Variants in MOK observed in about 807,000 individuals in gnomAD.
The protein encoded by MOK is MAPK/MAK/MRK overlapping kinase.
MOK carries 59 observed loss-of-function variants against 54.2 expected under a neutral mutation model. That is an observed-to-expected ratio of 1.09 (90% CI 0.88 to 1.35). The LOEUF (loss-of-function observed/expected upper bound fraction) is 1.35, where lower values mean the gene tolerates loss of function less well. Among genes scored for constraint, MOK ranks in the 40% most tolerant of loss-of-function variants. The pLI is 0.00. For synonymous variants in MOK, 210 were observed against 202.7 expected, an observed-to-expected ratio of 1.04 and a Z score of -0.31; for missense variants, 517 against 526.2, an observed-to-expected ratio of 0.98 and a Z score of 0.17.
intron 1 of MOK, among the ~76,000 whole-genome samples, chr14:102,294,782 T>C (rs1179987904): frequency 2.6e-5 from 4 of 152,120 alleles, no homozygotes; most frequent in African/African-American, 9.7e-5. Context: ...TTAAAAAAAA[T>C]AGGTCAACTG....
chr14:102,266,513 G>T (rs966940815), intron 2 of MOK, among the ~76,000 whole-genome samples: 3 of 151,956 alleles, frequency 2.0e-5, no homozygotes, highest in Middle Eastern at 3.2e-3. Context: ...GCCACCCAAA[G>T]TACTGTGATT....
At chr14:102,297,652 G>A (rs1023921385) in intron 1 of MOK, among the ~76,000 whole-genome samples, 79 of 152,312 alleles carry the variant, frequency 5.2e-4, no homozygotes, top group Admixed American at 1.5e-3. Flanking sequence ...CTTGCGGGGA[G>A]GTGTGGAGGA....
rs754931451 is a variant in MOK, at chr14:102,251,640, C to T, written c.411+116G>A. On this transcript the variant is annotated intron_variant, in intron 6 of 11. Coordinates refer to ENST00000361847, the MANE Select transcript of MOK (RefSeq NM_014226.3). ...GAGGGAAAAAAATTACTGTAACAAA[C>T]AGGCTGTCTAGCCGCATGGACTGAA... 6.1e-6 allele frequency: 5 copies of T among 817,902 alleles called. No homozygotes were observed. In the South Asian group the frequency reaches 7.2e-5, roughly 12 times the overall value. The allele number at this position is 817,902 out of a possible 1,614,324, so 50.7% of individuals were successfully genotyped here.
At chr14:102,286,428 T>C (rs550540358) in intron 1 of MOK, among the ~76,000 whole-genome samples, 23 of 151,812 alleles carry the variant, frequency 1.5e-4, no homozygotes, top group Admixed American at 1.3e-3. Flanking sequence ...AAGGCCAAGT[T>C]GGGCAACATA....
At chr14:102,293,996 A>G (rs1312659753) in intron 1 of MOK, among the ~76,000 whole-genome samples, 1 of 151,912 alleles carries the variant, frequency 6.6e-6, no homozygotes, top group African/African-American at 2.4e-5. Flanking sequence ...AAAGGAAGAC[A>G]GTCATAAAGA....
intron 1 of MOK, among the ~76,000 whole-genome samples, chr14:102,301,782 T>A (rs2072227939): frequency 6.6e-6 from 1 of 152,208 alleles, no homozygotes. Flanking sequence ...CTAAACCAAG[T>A]AACCGAAAAC....
the MOK span, among the ~76,000 whole-genome samples, chr14:102,217,803 G>A: frequency 1.3e-5 from 2 of 152,218 alleles, no homozygotes; most frequent in African/African-American, 4.8e-5. Flanking sequence ...TGGAAGTCTT[G>A]GTTCTGAGAG....
Position 102,235,273 on chromosome 14 carries a change from T to C in MOK, c.591-1484A>G, listed in dbSNP as rs1228032268. 6.6e-6 allele frequency: 1 copy of C among 152,270 alleles called. No homozygotes were observed. Among genetic ancestry groups the C allele is most frequent in the Non-Finnish European group, 1.5e-5 (1 of 68,048 alleles). 9.4% of individuals were successfully genotyped at this position (152,270 alleles called of 1,614,324 possible). ...TCCACGTCCCATTTTCCCTCTCTAATGTTTCCCAAATTGAGAAACGTCCAG... is the reference window on the plus strand; with the variant it reads ...TCCACGTCCCATTTTCCCTCTCTAACGTTTCCCAAATTGAGAAACGTCCAG... On this transcript the variant is annotated intron_variant, in intron 7 of 11. Transcript: ENST00000361847. This position sits in a 1 kb window ranked among gnomAD's most constrained non-coding sequence, Gnocchi z 4.4.
chr14:102,279,077 T>G (rs1461036466), intron 2 of MOK, among the ~76,000 whole-genome samples: 4 of 152,168 alleles, frequency 2.6e-5, no homozygotes, highest in African/African-American at 9.7e-5. Context: ...TGAACTAAAA[T>G]GGAGGAGCTG....
At chr14:102,283,451 G>C (rs777253551) in intron 2 of MOK, 27 bp downstream of exon 2, 24 of 1,462,260 alleles carry the variant, frequency 1.6e-5, no homozygotes, top group Non-Finnish European at 2.2e-5. Context: ...ATCTGTGTTT[G>C]GTCCCAAGTG....
chr14:102,222,769 G>A (rs1270566642), downstream of MOK: 17 of 1,590,954 alleles, frequency 1.1e-5, no homozygotes, highest in Admixed American at 1.7e-5. The surrounding 1 kb of genome is among the most constrained non-coding windows in gnomAD (Gnocchi z 4.4). Flanking sequence ...CGGAGGGCGC[G>A]CATGGTGGCT....
chr14:102,271,611 T>C (rs1323628705), intron 2 of MOK, among the ~76,000 whole-genome samples: 1 of 152,026 alleles, frequency 6.6e-6, no homozygotes, highest in Admixed American at 6.6e-5. Context: ...CAGGCTGGAG[T>C]GCACGAGCGC....
chr14:102,233,763 T>C lies in MOK; in HGVS notation c.617A>G (p.Asn206Ser), dbSNP rs764383623. 5.0e-5 allele frequency: 80 copies of C among 1,614,044 alleles called. No individual in the cohort carries two copies. Among genetic ancestry groups the C allele is most frequent in the Non-Finnish European group, 6.8e-5 (80 of 1,179,924 alleles). The change falls in exon 8 of 12, where the codon AAT becomes AGT. Residue 206 changes from asparagine (N) to serine (S), a missense_variant. Physicochemically the swap from Asn to Ser is conservative, Grantham distance 46 (BLOSUM62 1). Coordinates refer to ENST00000361847, the MANE Select transcript of MOK (RefSeq NM_014226.3). ...GATTTTTGAGATTTGGTCCAGTTCA[T>C]TTACTCCAGGAAAGAGGGGCTGCAG... ...ASLQPLFPGV[N>S]ELDQISKIHD...
chr14:102,281,323 C>CAAA (rs552091844), intron 2 of MOK, among the ~76,000 whole-genome samples: 1 of 127,674 alleles, frequency 7.8e-6, no homozygotes, highest in Non-Finnish European at 1.7e-5. Context: ...GACTCTGTCT[C>CAAA]AAAAAAAAAA....
In MOK at chr14:102,240,931, C is replaced by T. The variant is rs984813264; in HGVS notation, c.591-7142G>A. 1.3e-5 allele frequency among the ~76,000 whole-genome samples: 2 copies of T among 152,212 alleles called. No homozygotes were observed. The highest frequency in any genetic ancestry group is 1.3e-4 in the Admixed American group (2 of 15,282). On this transcript the variant is annotated intron_variant, in intron 7 of 11. Transcript: ENST00000361847. This position sits in a 1 kb window ranked among gnomAD's most constrained non-coding sequence, Gnocchi z 5.4. Reference sequence around the variant, plus strand: ...CTGTATTCTCAAAAACTTAAAACCTCTTCAACTCTTGCCTGACCTAAAACC... The same window carrying T: ...CTGTATTCTCAAAAACTTAAAACCTTTTCAACTCTTGCCTGACCTAAAACC...
At position 102,294,306 on chromosome 14, in the gene MOK, C is replaced by T. The variant is rs185677690; in HGVS notation, c.7+10656G>A. ...CTAAAAATACAAAAAATTAGCCAGG[C>T]GTGGTGGTGGGCACGTGTAGTCCCA... On this transcript the variant is annotated intron_variant, in intron 1 of 11. Coordinates refer to ENST00000361847, the MANE Select transcript of MOK (RefSeq NM_014226.3). Among the ~76,000 whole-genome samples, 68 of 151,954 alleles carry T rather than the reference C, an allele frequency of 4.5e-4. 2 individuals carry two copies. Among genetic ancestry groups the T allele is most frequent in the African/African-American group, 1.6e-3 (65 of 41,378 alleles).
At chr14:102,269,333 C>T (rs2068167240) in intron 2 of MOK, among the ~76,000 whole-genome samples, 1 of 151,778 alleles carries the variant, frequency 6.6e-6, no homozygotes, top group African/African-American at 2.4e-5. Flanking sequence ...ATTACAGGTG[C>T]CCACCACTAT....
chr14:102,251,756 C>A lies in MOK; in HGVS notation c.411G>T (p.Lys137Asn). 6.4e-7 allele frequency: 1 copy of A among 1,567,272 alleles called. No individual in the cohort carries two copies. The highest frequency in any genetic ancestry group is 1.1e-5 in the South Asian group (1 of 88,916). The change falls in exon 6 of 12, where the codon AAG becomes AAT. Residue 137 changes from lysine to asparagine, a missense_variant and splice_region_variant. Physicochemically the swap from Lys to Asn is moderately conservative, Grantham distance 94. Transcript: ENST00000361847. ...RDVKPENILI[K>N]QDVLKLGDFG... is the part of the protein sequence containing the mutation. Reference sequence around the variant, plus strand: ...CCAGCTTTCATGTAAAAGCTCTTACCTTTATTAGTATATTTTCTGGTTTTA... The same window carrying A: ...CCAGCTTTCATGTAAAAGCTCTTACATTTATTAGTATATTTTCTGGTTTTA...
At position 102,229,783 on chromosome 14, in the gene MOK, G is replaced by A. The variant is rs2064499898; in HGVS notation, c.982-126C>T. 2.3e-5 allele frequency: 20 copies of A among 870,378 alleles called. No homozygotes were observed. The South Asian group carries it at 3.6e-4, about 16-fold the overall frequency. 53.9% of individuals were successfully genotyped at this position (870,378 alleles called of 1,614,324 possible). The stretch of plus-strand genomic sequence containing the variant: ...AATTTCTTGACCATAAGATGTGACT[G>A]GGACACATCCACCAGGTCCCAGACA... On this transcript the variant is annotated intron_variant, in intron 10 of 11. Transcript: ENST00000361847.
Sources: allele counts gnomAD v4.1 joint callset (sites outside exome capture counted in the v4.1 genomes callset), GRCh38; gene constraint gnomAD v4.1.1; non-coding constraint Gnocchi (gnomAD v3.1); transcripts MANE v1.5; gene names NCBI Gene and HGNC (gene_info 2026-07-23, HGNC 2026-07-21).